Variants in XYLB observed in about 807,000 individuals in gnomAD.
The protein encoded by XYLB is xylulokinase.
A neutral mutation model predicts 78.7 loss-of-function variants in XYLB; 62 were observed. That is an observed-to-expected ratio of 0.79 (90% CI 0.64 to 0.97). The LOEUF (loss-of-function observed/expected upper bound fraction) is 0.97, where lower values mean the gene tolerates loss of function less well. Among genes scored for constraint, XYLB ranks in the 50% least tolerant of loss-of-function variants. The probability of loss-of-function intolerance (pLI) is 0.00; values close to 1 mark genes in which losing one functional copy is unlikely to be tolerated. For missense variants in XYLB, 687 were observed against 676.8 expected (o/e 1.02, Z -0.17); for synonymous variants, 245 against 247.4 (o/e 0.99, Z 0.09).
the XYLB span, among the ~76,000 whole-genome samples, chr3:38,426,606 G>C: frequency 6.6e-6 from 1 of 152,126 alleles, no homozygotes; most frequent in Non-Finnish European, 1.5e-5. Flanking sequence ...GCTTTTAATT[G>C]GTGTTGTTTG....
rs1009502504 is a variant in XYLB, at chr3:38,413,185, T to C, written c.*172T>C. 1 of 535,820 alleles carries C rather than the reference T, an allele frequency of 1.9e-6. No homozygotes were observed. The highest frequency in any genetic ancestry group is 3.1e-6 in the Non-Finnish European group (1 of 321,026). The allele number at this position is 535,820 out of a possible 1,614,324, so 33.2% of individuals were successfully genotyped here. A position where few individuals can be genotyped will look rare whatever the true frequency, so the allele number is the denominator to read the frequency against. ...CGCCCTCAGCACATCTGCATGAAGA[T>C]AGATAGGCACTCCTGTCCCTGTGCC... On this transcript the variant is annotated 3_prime_UTR_variant, in exon 19 of 19. Coordinates refer to ENST00000207870, the MANE Select transcript of XYLB (RefSeq NM_005108.4).
In XYLB at chr3:38,377,068, T is replaced by C. The variant is rs953704175; in HGVS notation, c.1194+77T>C. ...AATTTAACAATTGCCTATCAAATTA[T>C]GTTACTTTTAGGGACTTCATTCATT... On this transcript the variant is annotated intron_variant, in intron 14 of 18. Coordinates refer to ENST00000207870, the MANE Select transcript of XYLB (RefSeq NM_005108.4). 12 of 1,325,942 alleles carry C rather than the reference T, an allele frequency of 9.1e-6. No individual in the cohort carries two copies. In the African/African-American group the frequency reaches 1.5e-4, roughly 16 times the overall value. 82.1% of individuals were successfully genotyped at this position (1,325,942 alleles called of 1,614,324 possible).
chr3:38,355,583 C>T (rs960969775), intron 2 of XYLB, among the ~76,000 whole-genome samples: 3 of 152,176 alleles, frequency 2.0e-5, no homozygotes, highest in African/African-American at 7.2e-5. Context: ...CCCTTTCTTC[C>T]TAGGCACTCT....
intron 9 of XYLB, among the ~76,000 whole-genome samples, chr3:38,371,791 CA>C (rs1706578830): frequency 6.6e-6 from 1 of 152,156 alleles, no homozygotes; most frequent in Non-Finnish European, 1.5e-5. Context: ...GCCATGAGGC[CA>C]GTGCATGGAG....
the XYLB span, among the ~76,000 whole-genome samples, chr3:38,435,039 A>T: frequency 6.6e-6 from 1 of 152,116 alleles, no homozygotes. Context: ...TGGGTGGCTG[A>T]GGCTGAGAAT....
the XYLB span, chr3:38,451,572 G>A: frequency 6.6e-6 from 1 of 152,398 alleles, no homozygotes; most frequent in Non-Finnish European, 1.5e-5. Flanking sequence ...AGTGAGCCGA[G>A]ATCGTGCCAC....
At chr3:38,403,289 C>A (rs1486745105) in intron 18 of XYLB, among the ~76,000 whole-genome samples, 202 of 126,294 alleles carry the variant, frequency 1.6e-3, no homozygotes, top group Non-Finnish European at 1.6e-3. Flanking sequence ...GACCCTGTCT[C>A]AAAAAAAAAA....
chr3:38,360,166 C>G (rs1705887367), intron 2 of XYLB, among the ~76,000 whole-genome samples, 173 bp from the exon 3 acceptor site: 1 of 152,230 alleles, frequency 6.6e-6, no homozygotes, highest in African/African-American at 2.4e-5. Context: ...CCTGTCTTCT[C>G]TTTCCATCTT....
chr3:38,366,353 G>A (rs545201903), intron 6 of XYLB, among the ~76,000 whole-genome samples: 6 of 152,220 alleles, frequency 3.9e-5, no homozygotes, highest in African/African-American at 1.2e-4. Flanking sequence ...AAGAGCAAGG[G>A]TTATTCACTC....
the XYLB span, among the ~76,000 whole-genome samples, chr3:38,447,498 G>C: frequency 7.9e-6 from 1 of 126,094 alleles, no homozygotes; most frequent in Non-Finnish European, 1.6e-5. Flanking sequence ...TTTTTTTGTA[G>C]ATACAAGCAG....
chr3:38,379,378 G>A (rs760478328), intron 15 of XYLB, 36 bp downstream of exon 15: 12 of 1,606,726 alleles, frequency 7.5e-6, no homozygotes, highest in Non-Finnish European at 9.4e-6. Context: ...TCCCGGGGTG[G>A]GGGCTCAGGG....
At chr3:38,450,165 T>C in the XYLB span, among the ~76,000 whole-genome samples, 1 of 152,158 alleles carries the variant, frequency 6.6e-6, no homozygotes, top group Admixed American at 6.5e-5. Context: ...ATGCCTAAAT[T>C]ACCCACTACA....
chr3:38,360,383 C>T lies in XYLB; in HGVS notation c.185C>T (p.Thr62Ile), dbSNP rs764658000. The change falls in exon 3 of 19, where the codon ACT (threonine) becomes ATT (isoleucine). Residue 62 changes from threonine (T) to isoleucine (I), a missense_variant. Coordinates refer to ENST00000207870, the MANE Select transcript of XYLB (RefSeq NM_005108.4). ...GTGCACAAGGATGGGCTGACGGTCACTTCTCCAGTACTAATGTGGGTCCAG... is the reference window on the plus strand; with the variant it reads ...GTGCACAAGGATGGGCTGACGGTCATTTCTCCAGTACTAATGTGGGTCCAG... ...VHVHKDGLTV[T>I]SPVLMWVQAL... 3.1e-5 allele frequency: 50 copies of T among 1,612,448 alleles called. 1 individual carries two copies. The South Asian group carries it at 5.4e-4, about 17-fold the overall frequency.
downstream of XYLB, among the ~76,000 whole-genome samples, chr3:38,416,578 T>A (rs1708801974): frequency 6.6e-6 from 1 of 151,996 alleles, no homozygotes; most frequent in African/African-American, 2.4e-5. Flanking sequence ...CTGTTATTTA[T>A]AAGAGACACA....
chr3:38,442,771 A>G, the XYLB span, among the ~76,000 whole-genome samples: 1 of 132,066 alleles, frequency 7.6e-6, no homozygotes, highest in Non-Finnish European at 1.5e-5. Flanking sequence ...TTAAATGTCT[A>G]ACAATATCCT....
the XYLB span, among the ~76,000 whole-genome samples, chr3:38,427,956 A>AGT: frequency 1.3e-5 from 2 of 152,214 alleles, no homozygotes; most frequent in Admixed American, 1.3e-4. Flanking sequence ...CCTCTTTACT[A>AGT]ACATAAGCAC....
intron 15 of XYLB, among the ~76,000 whole-genome samples, chr3:38,392,064 A>G (rs556735221): frequency 1.3e-5 from 2 of 152,286 alleles, no homozygotes; most frequent in Admixed American, 1.3e-4. Context: ...GCTTGGGGAC[A>G]AACACTGCTG....
the XYLB span, among the ~76,000 whole-genome samples, chr3:38,431,635 CA>C: frequency 6.6e-6 from 1 of 152,146 alleles, no homozygotes. Flanking sequence ...TGCCAGTTTT[CA>C]AAGGGTATGC....
chr3:38,375,298 G>A (rs1045497780), intron 12 of XYLB, 39 bp downstream of exon 12: 12 of 1,579,470 alleles, frequency 7.6e-6, no homozygotes, highest in Non-Finnish European at 2.6e-6. Context: ...CCCTGGGTGA[G>A]GAGGTGTGGG....
Sources: allele counts gnomAD v4.1 joint callset (sites outside exome capture counted in the v4.1 genomes callset), GRCh38; gene constraint gnomAD v4.1.1; transcripts MANE v1.5; gene names NCBI Gene and HGNC (gene_info 2026-07-23, HGNC 2026-07-21).